The following ANKRD27 variants were observed in gnomAD, a reference collection of about 807,000 sequenced individuals.
The protein encoded by ANKRD27 is ankyrin repeat domain 27, also known as ankyrin repeat domain-containing protein 27.
Under a neutral mutation model 129.7 loss-of-function variants are expected in ANKRD27, and 112 were observed. That is an observed-to-expected ratio of 0.86 (90% CI 0.74 to 1.01). The LOEUF is 1.01. Ranked by LOEUF, ANKRD27 falls within the 50% of genes least tolerant of loss-of-function variation. ANKRD27 has a pLI of 0.00. For synonymous variants in ANKRD27, 516 were observed against 511.2 expected, an observed-to-expected ratio of 1.01 and a Z score of -0.13; for missense variants, 1,258 against 1,300.5, an observed-to-expected ratio of 0.97 and a Z score of 0.50.
chr19:32,651,306 G>T (rs1967411676), intron 2 of ANKRD27, among the ~76,000 whole-genome samples: 1 of 152,110 alleles, frequency 6.6e-6, no homozygotes, highest in Non-Finnish European at 1.5e-5. Flanking sequence ...CAGCATGAAG[G>T]ACTCACACCA....
chr19:32,642,139 G>C lies in ANKRD27; in HGVS notation c.789C>G (p.Asn263Lys), dbSNP rs1967214180. ...DIGVKPEFSF[N>K]IPRAKRELAQ... ...CCAGCTCTCTTTTGGCACGAGGTAT[G>C]TTAAAGCTGTAAAATAATTTGGAAA... Residue 263 changes from asparagine (N) to lysine (K), a missense_variant, in exon 10 of 29, where the codon AAC (asparagine) becomes AAG (lysine). By Grantham distance (94) the Asn-to-Lys change is moderately conservative. Coordinates refer to ENST00000306065, the MANE Select transcript of ANKRD27 (RefSeq NM_032139.3). The C allele has an allele frequency of 5.0e-6, 8 of 1,590,182 alleles. No homozygotes were observed. In the East Asian group the frequency reaches 1.8e-4, roughly 36 times the overall value.
intron 2 of ANKRD27, 52 bp from the exon 3 acceptor site, chr19:32,649,844 C>A: frequency 1.6e-6 from 2 of 1,232,724 alleles, no homozygotes; most frequent in South Asian, 1.2e-5. Flanking sequence ...TTTACCACCT[C>A]AGCAGAACAA....
chr19:32,600,906 T>G (rs1005575785), intron 26 of ANKRD27, among the ~76,000 whole-genome samples: 2 of 152,130 alleles, frequency 1.3e-5, no homozygotes, highest in African/African-American at 4.8e-5. Flanking sequence ...CAAGGACCCC[T>G]TCTAAACTTT....
chr19:32,650,750 ATTTAT>A (rs1222410228), intron 2 of ANKRD27, among the ~76,000 whole-genome samples: 4 of 125,288 alleles, frequency 3.2e-5, no homozygotes, highest in South Asian at 4.9e-4. Flanking sequence ...TTACGCTTTT[ATTTAT>A]TTTTTTTTTT....
intron 1 of ANKRD27, chr19:32,666,316 A>AGTATGCC (rs1266376789): frequency 1.3e-5 from 2 of 152,266 alleles, no homozygotes; most frequent in Non-Finnish European, 2.9e-5. Flanking sequence ...AATAAGAATC[A>AGTATGCC]GTATGGAACA....
At position 32,599,555 on chromosome 19, in the gene ANKRD27, A is replaced by G. The variant is rs1971619546; in HGVS notation, c.2919+149T>C. On this transcript the variant is annotated intron_variant, in intron 28 of 28. Coordinates refer to ENST00000306065, the MANE Select transcript of ANKRD27 (RefSeq NM_032139.3). ...TGAAGTCTGTACTCTACACTGTCCCATGAAATAATTCCAGTTTTAACTGCT... is the reference window on the plus strand; with the variant it reads ...TGAAGTCTGTACTCTACACTGTCCCGTGAAATAATTCCAGTTTTAACTGCT... 8.9e-6 allele frequency: 6 copies of G among 677,366 alleles called. No homozygotes were observed. In the Admixed American group the frequency reaches 1.7e-4, roughly 20 times the overall value. 42.0% of individuals were successfully genotyped at this position (677,366 alleles called of 1,614,324 possible).
At chr19:32,602,712 G>A (rs1284883208) in intron 25 of ANKRD27, among the ~76,000 whole-genome samples, 2 of 151,780 alleles carry the variant, frequency 1.3e-5, no homozygotes, top group African/African-American at 2.4e-5. Flanking sequence ...TGGCCAACAT[G>A]GCAAAACCCT....
At chr19:32,660,607 A>G (rs1347733288) in intron 1 of ANKRD27, among the ~76,000 whole-genome samples, 2 of 152,192 alleles carry the variant, frequency 1.3e-5, no homozygotes, top group African/African-American at 4.8e-5. Flanking sequence ...TTTATGAAGC[A>G]GGCCCTCCCC....
chr19:32,616,232 G>A (rs867951078), intron 21 of ANKRD27, among the ~76,000 whole-genome samples: 2 of 152,056 alleles, frequency 1.3e-5, no homozygotes, highest in African/African-American at 4.8e-5. Context: ...GGCACTTAGT[G>A]AGCACCTCAC....
intron 14 of ANKRD27, 118 bp downstream of exon 14, chr19:32,628,604 C>T: frequency 7.6e-7 from 1 of 1,313,384 alleles, no homozygotes; most frequent in Non-Finnish European, 1.1e-6. Context: ...ACAGCAGAGG[C>T]AGCTGGGGGG....
intron 24 of ANKRD27, among the ~76,000 whole-genome samples, chr19:32,605,113 C>G (rs1009200354): frequency 6.6e-6 from 1 of 151,812 alleles, no homozygotes; most frequent in African/African-American, 2.4e-5. Flanking sequence ...GGCTTACACC[C>G]GTAATCCAGC....
intron 17 of ANKRD27, among the ~76,000 whole-genome samples, 200 bp from the exon 18 acceptor site, chr19:32,622,819 T>C (rs1042110129): frequency 2.0e-5 from 3 of 152,032 alleles, no homozygotes; most frequent in African/African-American, 7.2e-5. Context: ...TCTCTGTTAT[T>C]CAGGTTGCAG....
chr19:32,640,714 C>A (rs1176853606), intron 10 of ANKRD27, among the ~76,000 whole-genome samples: 1 of 152,032 alleles, frequency 6.6e-6, no homozygotes, highest in South Asian at 2.1e-4. Context: ...CCAGCCTGGG[C>A]AATATAGCAA....
intron 1 of ANKRD27, among the ~76,000 whole-genome samples, chr19:32,671,021 T>G (rs1277627917): frequency 6.6e-6 from 1 of 151,872 alleles, no homozygotes; most frequent in East Asian, 1.9e-4. Context: ...ATATGCCAGG[T>G]GCAGTGGCTC....
chr19:32,650,758 T>A (rs1245102301), intron 2 of ANKRD27, among the ~76,000 whole-genome samples: 2 of 149,738 alleles, frequency 1.3e-5, no homozygotes, highest in African/African-American at 2.4e-5. Context: ...TTATTTATTT[T>A]TTTTTTTTGG....
intron 15 of ANKRD27, among the ~76,000 whole-genome samples, chr19:32,627,867 A>AG (rs36074796): frequency 0.024 from 3,657 of 152,308 alleles, 66 homozygotes; most frequent in East Asian, 0.099. Context: ...GGACCCACGC[A>AG]GGGGGGCTCA....
At chr19:32,660,571 G>A (rs985053233) in intron 1 of ANKRD27, among the ~76,000 whole-genome samples, 9 of 152,240 alleles carry the variant, frequency 5.9e-5, no homozygotes, top group East Asian at 5.8e-4. Flanking sequence ...CTCCGGCCAC[G>A]TGAGGTTACA....
chr19:32,620,022 G>A (rs936291189), intron 18 of ANKRD27, among the ~76,000 whole-genome samples: 1 of 152,034 alleles, frequency 6.6e-6, no homozygotes, highest in Non-Finnish European at 1.5e-5. Flanking sequence ...AAGGGCCTTT[G>A]GTAAACAAAC....
chr19:32,620,801 C>T (rs1032184856), intron 18 of ANKRD27, among the ~76,000 whole-genome samples: 3 of 147,560 alleles, frequency 2.0e-5, no homozygotes, highest in Non-Finnish European at 4.4e-5. Flanking sequence ...TGGGAGGATG[C>T]CTTGAGCCCA....
Sources: allele counts gnomAD v4.1 joint callset (sites outside exome capture counted in the v4.1 genomes callset), GRCh38; gene constraint gnomAD v4.1.1; transcripts MANE v1.5; gene names NCBI Gene and HGNC (gene_info 2026-07-23, HGNC 2026-07-21).